CUX1: variants seen among roughly 807,000 people sequenced by gnomAD.
The protein encoded by CUX1 is cut like homeobox 1.
A neutral mutation model predicts 158.8 loss-of-function variants in CUX1; 31 were observed. The ratio of observed to expected loss-of-function variants is 0.20; its 90% CI spans 0.15 to 0.26. CUX1 has a LOEUF of 0.26. Among genes scored for constraint, CUX1 ranks in the 10% least tolerant of loss-of-function variants. The pLI is 1.00. For synonymous variants in CUX1, 879 were observed against 862.1 expected (o/e 1.02, Z -0.34); for missense variants, 1,589 against 2,014.6 (o/e 0.79, Z 4.04).
At chr7:101,946,805 T>C (rs1335802053) in intron 2 of CUX1, among the ~76,000 whole-genome samples, 1 of 152,170 alleles carries the variant, frequency 6.6e-6, no homozygotes, top group Non-Finnish European at 1.5e-5. Context: ...AGAGAATTCA[T>C]ACTCAGTTCA....
In CUX1 at chr7:102,236,215, C is replaced by T. The variant is rs565205297; in HGVS notation, c.3622+1975C>T. Among the ~76,000 whole-genome samples the T allele has an allele frequency of 2.6e-5, 4 of 152,302 alleles. No individual in the cohort carries two copies. The South Asian group carries it at 8.3e-4, about 32-fold the overall frequency. On this transcript the variant is annotated intron_variant, in intron 22 of 23. Coordinates refer to ENST00000292535, the MANE Select transcript of CUX1 (RefSeq NM_181552.4). Reference sequence around the variant, plus strand: ...TCCGCTGCCTCTGTGCTGCGAGCTGCCCCCCTGGGATGACCCAGGGGCACT... The same window carrying T: ...TCCGCTGCCTCTGTGCTGCGAGCTGTCCCCCTGGGATGACCCAGGGGCACT...
At chr7:102,189,967 T>A (rs1794103452) in intron 12 of CUX1, 96 bp downstream of exon 12, 1 of 1,335,402 alleles carries the variant, frequency 7.5e-7, no homozygotes, top group Non-Finnish European at 1.1e-6. Flanking sequence ...CTTGGCCCCC[T>A]GCCCTCTGGC....
intron 20 of CUX1, among the ~76,000 whole-genome samples, chr7:102,217,393 G>C (rs899591285): frequency 6.6e-6 from 1 of 152,264 alleles, no homozygotes; most frequent in Non-Finnish European, 1.5e-5. Context: ...CCGCGGGTGA[G>C]CTCTGGTTCT....
At chr7:102,237,521 A>G (rs951195518) in intron 22 of CUX1, among the ~76,000 whole-genome samples, 2 of 152,136 alleles carry the variant, frequency 1.3e-5, no homozygotes, top group Admixed American at 1.3e-4. Context: ...GGCTCGAGCA[A>G]TCCTCCCATC....
intron 1 of CUX1, among the ~76,000 whole-genome samples, chr7:101,870,479 A>T (rs1798408511): frequency 6.6e-6 from 1 of 152,180 alleles, no homozygotes; most frequent in African/African-American, 2.4e-5. Flanking sequence ...TTTAGTTTTA[A>T]AGAGGGGGTG....
chr7:101,912,944 C>T (rs1370638806), intron 1 of CUX1, among the ~76,000 whole-genome samples: 1 of 152,146 alleles, frequency 6.6e-6, no homozygotes, highest in Non-Finnish European at 1.5e-5. Flanking sequence ...GCATTTGGGA[C>T]CCCCACCTCC....
rs112801049 is a variant in CUX1, at chr7:101,827,973, G to GT, written c.30+10324dup. Among the ~76,000 whole-genome samples, 880 of 98,654 alleles carry GT rather than the reference G, an allele frequency of 8.9e-3. 14 individuals are homozygous for GT. The highest frequency in any genetic ancestry group is 0.031 in the African/African-American group (723 of 23,106). 64.7% of individuals were successfully genotyped at this position (98,654 alleles called of 152,430 possible). The stretch of plus-strand genomic sequence containing the variant: ...GAAGCAGGCCCAATTGGTATAACTT[G>GT]TTTTTTTTTTTTTTTTTTTTGAGAT... On this transcript the variant is annotated intron_variant, in intron 1 of 23. Transcript: ENST00000292535.
chr7:102,088,777 T>C (rs1328112191), intron 4 of CUX1, among the ~76,000 whole-genome samples: 1 of 152,246 alleles, frequency 6.6e-6, no homozygotes, highest in Admixed American at 6.5e-5. Context: ...AATTAATCTT[T>C]TTCTCTTCAC....
Position 102,138,276 on chromosome 7 carries a change from T to G in CUX1, c.675-20284T>G, listed in dbSNP as rs563936474. On this transcript the variant is annotated intron_variant, in intron 8 of 23. Coordinates refer to ENST00000292535, the MANE Select transcript of CUX1 (RefSeq NM_181552.4). ...TTTTTAAAAAATATGTATTTTATTT[T>G]TATGGGTAAATTTGGCCTAATTACA... 4.6e-5 allele frequency among the ~76,000 whole-genome samples: 7 copies of G among 152,386 alleles called. No homozygotes were observed. The East Asian group carries it at 9.6e-4, about 21-fold the overall frequency.
intron 23 of CUX1, among the ~76,000 whole-genome samples, chr7:102,242,541 G>A (rs893396374): frequency 1.2e-4 from 19 of 152,144 alleles, no homozygotes; most frequent in Non-Finnish European, 2.6e-4. Flanking sequence ...ACAGAGATGC[G>A]TGCACTTTGA....
chr7:102,257,406 A>G lies in CUX1; in HGVS notation c.*8364A>G, dbSNP rs1270379475. 2.0e-6 allele frequency: 2 copies of G among 984,328 alleles called. No individual in the cohort carries two copies. The highest frequency in any genetic ancestry group is 2.4e-6 in the Non-Finnish European group (2 of 829,750). 61.0% of individuals were successfully genotyped at this position (984,328 alleles called of 1,614,324 possible). On this transcript the variant is annotated 3_prime_UTR_variant, in exon 24 of 24. Transcript: ENST00000292535. ...GAAAACGGGCATCTCACGTACCCCC[A>G]TCTGAGACCTCTTGGAAAAAAAAAA...
chr7:102,122,928 C>A (rs1005946181), intron 8 of CUX1, among the ~76,000 whole-genome samples: 1 of 152,038 alleles, frequency 6.6e-6, no homozygotes, highest in Non-Finnish European at 1.5e-5. Context: ...CTCAAAAACA[C>A]GTACACATAA....
At chr7:102,089,782 A>G (rs1343117744) in intron 4 of CUX1, among the ~76,000 whole-genome samples, 1 of 152,190 alleles carries the variant, frequency 6.6e-6, no homozygotes, top group Non-Finnish European at 1.5e-5. Context: ...CTGCCTTGCA[A>G]ATTCCAATTG....
intron 19 of CUX1, 97 bp downstream of exon 19, chr7:102,204,653 A>G: frequency 6.7e-7 from 1 of 1,481,884 alleles, no homozygotes; most frequent in Non-Finnish European, 9.1e-7. Flanking sequence ...GGAGGAGGGA[A>G]CTCCGCCCCA....
intron 2 of CUX1, among the ~76,000 whole-genome samples, chr7:102,011,365 C>T (rs937317606): frequency 6.6e-6 from 1 of 151,938 alleles, no homozygotes; most frequent in Non-Finnish European, 1.5e-5. Context: ...CCCGAGACCA[C>T]CAATGCGTTT....
In CUX1 at chr7:102,097,415, G is replaced by A. The variant is rs781883497; in HGVS notation, c.320G>A (p.Arg107His). The A allele has an allele frequency of 1.4e-5, 23 of 1,613,708 alleles. No homozygotes were observed. The highest frequency in any genetic ancestry group is 4.5e-5 in the East Asian group (2 of 44,870). The change falls in exon 5 of 24, where the codon CGC becomes CAC. Residue 107 changes from arginine (R) to histidine (H), a missense_variant. Transcript: ENST00000292535. Reference sequence around the variant, plus strand: ...CAGCAACTCCAGCTCAAAGTGCAGCGCCTGCACGATATTGAAACAGAGAAC... The same window carrying A: ...CAGCAACTCCAGCTCAAAGTGCAGCACCTGCACGATATTGAAACAGAGAAC... The part of the protein sequence containing the change: ...LGQQLQLKVQ[R>H]LHDIETENQK...
intron 4 of CUX1, among the ~76,000 whole-genome samples, chr7:102,089,863 T>C (rs1248575814): frequency 2.6e-5 from 4 of 152,244 alleles, no homozygotes; most frequent in African/African-American, 7.2e-5. Context: ...GCTTGGGTTT[T>C]TTTCTTCATT....
chr7:102,256,253 G>A lies in CUX1; in HGVS notation c.*7211G>A. On this transcript the variant is annotated 3_prime_UTR_variant, in exon 24 of 24. Transcript: ENST00000292535. ...CACTTAATCTTGTCTTGTTGAAATG[G>A]ACTGACTGCTACTGACCTGCCGGCG... 1.0e-6 allele frequency: 1 copy of A among 985,448 alleles called. No individual in the cohort carries two copies. The highest frequency in any genetic ancestry group is 1.2e-6 in the Non-Finnish European group (1 of 829,946). The allele number at this position is 985,448 out of a possible 1,614,324, so 61.0% of individuals were successfully genotyped here. A position where few individuals can be genotyped will look rare whatever the true frequency, so the allele number is the denominator to read the frequency against.
At chr7:102,111,667 A>G in intron 6 of CUX1, 31 bp from the exon 7 acceptor site, 1 of 1,607,586 alleles carries the variant, frequency 6.2e-7, no homozygotes, top group Non-Finnish European at 8.5e-7. Context: ...AAAGGAGATG[A>G]CCAATTTGGC....
Sources: gnomAD v4.1 joint callset for allele counts (sites outside exome capture counted in the v4.1 genomes callset) on GRCh38, gnomAD v4.1.1 for gene constraint, MANE v1.5 for transcripts, NCBI Gene and HGNC (gene_info 2026-07-23, HGNC 2026-07-21) for gene names.